The following EPHA6 variants were observed in gnomAD, a reference collection of about 807,000 sequenced individuals.
EPHA6 encodes the protein EPH receptor A6.
In EPHA6, 50 loss-of-function variants were observed where a neutral mutation model predicts 112.0. That is an observed-to-expected ratio of 0.45 (90% CI 0.36 to 0.56). The LOEUF (loss-of-function observed/expected upper bound fraction) is 0.56. Ranked by LOEUF, EPHA6 falls within the 20% of genes least tolerant of loss-of-function variation. The pLI is 0.00. For synonymous variants in EPHA6, 529 were observed against 490.7 expected (o/e 1.08, Z -1.03); for missense variants, 1,280 against 1,417.4 (o/e 0.90, Z 1.56).
At chr3:97,601,377 C>T (rs1450143214) in intron 12 of EPHA6, among the ~76,000 whole-genome samples, 1 of 152,064 alleles carries the variant, frequency 6.6e-6, no homozygotes, top group Non-Finnish European at 1.5e-5. Context: ...CTAGGCTGCT[C>T]AGCTGTCTAT....
intron 5 of EPHA6, among the ~76,000 whole-genome samples, chr3:97,391,651 T>C (rs1335744110): frequency 6.6e-6 from 1 of 151,902 alleles, no homozygotes; most frequent in African/African-American, 2.4e-5. Flanking sequence ...ATAAGGGCAG[T>C]CAATTGCTGG....
intron 14 of EPHA6, among the ~76,000 whole-genome samples, chr3:97,639,495 T>C (rs1434912042): frequency 2.0e-5 from 3 of 152,126 alleles, no homozygotes; most frequent in African/African-American, 7.2e-5. Context: ...ATTCCAAATG[T>C]AATATTTATA....
chr3:96,932,807 A>AAGTTTTAAAAATATTTTAAACATATATG (rs2040390886), intron 2 of EPHA6, among the ~76,000 whole-genome samples: 3 of 152,238 alleles, frequency 2.0e-5, no homozygotes, highest in African/African-American at 7.2e-5. Flanking sequence ...GCTGTTTTTA[A>AAGTTTTAAAAATATTTTAAACATATATG]AGTTTTAAAA....
intron 2 of EPHA6, among the ~76,000 whole-genome samples, chr3:96,960,464 G>A (rs1386951842): frequency 1.3e-5 from 2 of 152,064 alleles, no homozygotes; most frequent in East Asian, 3.9e-4. Context: ...TTGCCATCTG[G>A]CCTCTGCTAT....
chr3:97,187,733 GAA>G (rs774182667), intron 3 of EPHA6, among the ~76,000 whole-genome samples: 7 of 147,638 alleles, frequency 4.7e-5, no homozygotes, highest in African/African-American at 1.3e-4. Flanking sequence ...AAGAAAGAAA[GAA>G]AGAAAGAAAG....
At chr3:97,344,593 A>AC (rs2083451343) in intron 5 of EPHA6, among the ~76,000 whole-genome samples, 1 of 151,812 alleles carries the variant, frequency 6.6e-6, no homozygotes, top group African/African-American at 2.4e-5. Flanking sequence ...TCAGACTTAC[A>AC]CCCCCCAGAA....
At chr3:96,976,241 C>T (rs1168598013) in intron 2 of EPHA6, among the ~76,000 whole-genome samples, 1 of 152,154 alleles carries the variant, frequency 6.6e-6, no homozygotes, top group Non-Finnish European at 1.5e-5. Context: ...TTTCTATTCA[C>T]TTTCCTCCCT....
At chr3:97,629,901 C>T (rs1234159790) in intron 13 of EPHA6, among the ~76,000 whole-genome samples, 1 of 151,968 alleles carries the variant, frequency 6.6e-6, no homozygotes, top group Non-Finnish European at 1.5e-5. Flanking sequence ...CAAATAATAA[C>T]TTTAAATTTA....
intron 3 of EPHA6, among the ~76,000 whole-genome samples, chr3:97,143,176 A>G (rs1329621849): frequency 1.3e-5 from 2 of 151,772 alleles, no homozygotes; most frequent in Non-Finnish European, 3.0e-5. Context: ...ACACACACAC[A>G]CACACCAAAT....
intron 2 of EPHA6, among the ~76,000 whole-genome samples, chr3:96,886,951 A>G (rs1399307395): frequency 2.0e-5 from 3 of 151,940 alleles, no homozygotes; most frequent in African/African-American, 7.3e-5. Flanking sequence ...TTTTCTTTAA[A>G]CTATCTATTT....
chr3:97,456,060 G>A (rs1224880898), intron 7 of EPHA6, among the ~76,000 whole-genome samples: 1 of 152,040 alleles, frequency 6.6e-6, no homozygotes, highest in Non-Finnish European at 1.5e-5. Context: ...TCAAAGGGCA[G>A]TGTTACAGCG....
In EPHA6 at chr3:97,637,880, A is replaced by G. The variant is rs527523997; in HGVS notation, c.2582A>G (p.Asp861Gly). The change falls in exon 14 of 18, where the codon GAT (aspartate) becomes GGT (glycine). Residue 861 changes from aspartate to glycine, a missense_variant. By Grantham distance (94) the Asp-to-Gly change is moderately conservative (BLOSUM62 -1). This residue lies in a region of EPHA6 where 878 missense variants were observed against 999.7 expected (regional missense o/e 0.88). Coordinates refer to ENST00000389672, the MANE Select transcript of EPHA6 (RefSeq NM_001080448.3). ...GSLDSFLRKH[D>G]GHFTVIQLVG... is the part of the protein sequence containing the mutation. ...ATTGTGATTCTCTTGCAGAAGCATG[A>G]TGGCCACTTCACAGTCATCCAGTTG... 5 of 1,613,744 alleles carry G rather than the reference A, an allele frequency of 3.1e-6. No individual in the cohort carries two copies. The highest frequency in any genetic ancestry group is 2.7e-5 in the African/African-American group (2 of 75,066).
intron 6 of EPHA6, chr3:97,441,380 C>T (rs1472920608): frequency 1.3e-6 from 1 of 748,760 alleles, no homozygotes; most frequent in African/African-American, 1.9e-5. Flanking sequence ...TTTATAACAT[C>T]CATAATTCAT....
At chr3:97,469,440 T>C (rs1260117487) in intron 7 of EPHA6, among the ~76,000 whole-genome samples, 1 of 151,764 alleles carries the variant, frequency 6.6e-6, no homozygotes. Flanking sequence ...CTCAGTCAGA[T>C]GCCTTTCTAG....
chr3:97,195,270 A>C (rs1256856709), intron 3 of EPHA6, among the ~76,000 whole-genome samples: 1 of 151,664 alleles, frequency 6.6e-6, no homozygotes, highest in Admixed American at 6.6e-5. Context: ...TTTTGATTTG[A>C]GATAGCCACG....
chr3:96,946,829 A>G (rs1251469958), intron 2 of EPHA6, among the ~76,000 whole-genome samples: 1 of 152,094 alleles, frequency 6.6e-6, no homozygotes, highest in African/African-American at 2.4e-5. Flanking sequence ...CATCCTCTCA[A>G]GCACCTGTTG....
intron 11 of EPHA6, among the ~76,000 whole-genome samples, chr3:97,583,629 G>T (rs1401943593): frequency 6.6e-6 from 1 of 151,854 alleles, no homozygotes; most frequent in Non-Finnish European, 1.5e-5. Context: ...TCTGATGAAA[G>T]AAATCAAAGA....
intron 10 of EPHA6, among the ~76,000 whole-genome samples, chr3:97,518,080 A>C: frequency 6.6e-6 from 1 of 152,138 alleles, no homozygotes; most frequent in East Asian, 1.9e-4. Flanking sequence ...TCATCAGCAT[A>C]TTGATTTCTC....
intron 2 of EPHA6, among the ~76,000 whole-genome samples, chr3:96,957,158 T>G (rs183325700): frequency 6.6e-6 from 1 of 152,270 alleles, no homozygotes. Context: ...ATTCAGAGAC[T>G]TTTAAAATAA....
Sources: allele counts gnomAD v4.1 joint callset (sites outside exome capture counted in the v4.1 genomes callset), GRCh38; gene constraint gnomAD v4.1.1; regional missense constraint gnomAD v4.1.1; transcripts MANE v1.5; gene names NCBI Gene and HGNC (gene_info 2026-07-23, HGNC 2026-07-21).